Variants in LTBP1 observed in about 807,000 individuals in gnomAD.
The protein encoded by LTBP1 is latent transforming growth factor beta binding protein 1, also known as latent-transforming growth factor beta-binding protein 1.
A neutral mutation model predicts 207.6 loss-of-function variants in LTBP1; 129 were observed. That is an observed-to-expected ratio of 0.62 (90% CI 0.54 to 0.72). The LOEUF is 0.72. LTBP1 is among the 30% of genes least tolerant of loss of function. LTBP1 has a pLI of 0.00. For missense variants in LTBP1, 2,281 were observed against 2,217.2 expected (o/e 1.03, Z -0.58); for synonymous variants, 963 against 833.7 (o/e 1.16, Z -2.67).
chr2:33,252,589 A>C (rs997144757), intron 10 of LTBP1, 88 bp from the exon 11 acceptor site: 2 of 1,242,776 alleles, frequency 1.6e-6, no homozygotes, highest in Non-Finnish European at 2.2e-6. Context: ...TTTTTAATTC[A>C]TACCTTAGGG....
chr2:33,024,728 G>A (rs1000191856), intron 3 of LTBP1, among the ~76,000 whole-genome samples: 1 of 152,196 alleles, frequency 6.6e-6, no homozygotes, highest in Non-Finnish European at 1.5e-5. Context: ...TACAACTGGA[G>A]GAGAAGGGTG....
intron 5 of LTBP1, among the ~76,000 whole-genome samples, chr2:33,151,566 G>A (rs976019761): frequency 5.9e-5 from 9 of 152,074 alleles, no homozygotes; most frequent in African/African-American, 1.7e-4. Context: ...CCCATCACCC[G>A]AGCAGCATAT....
intron 3 of LTBP1, among the ~76,000 whole-genome samples, chr2:33,088,491 CAG>C (rs1210548247): frequency 6.6e-6 from 1 of 152,076 alleles, no homozygotes; most frequent in African/African-American, 2.4e-5. Flanking sequence ...TTCTTGGAGA[CAG>C]AGTCTTGAAG....
chr2:33,355,541 C>T (rs900550349), intron 26 of LTBP1, among the ~76,000 whole-genome samples: 1 of 151,862 alleles, frequency 6.6e-6, no homozygotes, highest in African/African-American at 2.4e-5. Flanking sequence ...TATTTTTGAT[C>T]TGCAATTGAT....
chr2:32,999,113 C>T (rs943714116), intron 2 of LTBP1, among the ~76,000 whole-genome samples: 1 of 152,142 alleles, frequency 6.6e-6, no homozygotes, highest in Non-Finnish European at 1.5e-5. Flanking sequence ...AGTTTGAGAA[C>T]CACTAGATCC....
intron 3 of LTBP1, among the ~76,000 whole-genome samples, chr2:33,088,676 A>G (rs902912103): frequency 6.6e-6 from 1 of 152,136 alleles, no homozygotes; most frequent in African/African-American, 2.4e-5. Context: ...CTTAATATAT[A>G]TTTGTTGAGT....
At chr2:33,283,840 C>T (rs1416559929) in intron 19 of LTBP1, among the ~76,000 whole-genome samples, 2 of 152,140 alleles carry the variant, frequency 1.3e-5, no homozygotes, top group South Asian at 2.1e-4. Context: ...ACAGGGCTGC[C>T]GTGTTCCATA....
intron 13 of LTBP1, among the ~76,000 whole-genome samples, chr2:33,259,840 C>G (rs1047573886): frequency 1.3e-5 from 2 of 152,098 alleles, no homozygotes; most frequent in African/African-American, 4.8e-5. Context: ...GGACAAAAAT[C>G]TCTACTTTCA....
At chr2:33,219,896 T>C (rs1200497991) in intron 8 of LTBP1, among the ~76,000 whole-genome samples, 1 of 152,176 alleles carries the variant, frequency 6.6e-6, no homozygotes, top group Non-Finnish European at 1.5e-5. Context: ...TCTTGACCTT[T>C]TGTCGTTTTT....
At chr2:33,313,931 T>C (rs891604653) in intron 23 of LTBP1, among the ~76,000 whole-genome samples, 1 of 152,198 alleles carries the variant, frequency 6.6e-6, no homozygotes, top group Non-Finnish European at 1.5e-5. Flanking sequence ...TGAAACTTTC[T>C]CTAGGCGCTT....
At position 32,993,681 on chromosome 2, in the gene LTBP1, G is replaced by C. The variant is rs539053225; in HGVS notation, c.566-27228G>C. 4.6e-5 allele frequency among the ~76,000 whole-genome samples: 7 copies of C among 152,286 alleles called. No individual in the cohort carries two copies. In the Middle Eastern group the frequency reaches 0.01, roughly 222 times the overall value. Reference sequence around the variant, plus strand: ...GGCCGTGTGGGGAAAACAGGACTCCGTCTTTGGTGAGTGGCTCTTCCTGGT... The same window carrying C: ...GGCCGTGTGGGGAAAACAGGACTCCCTCTTTGGTGAGTGGCTCTTCCTGGT... On this transcript the variant is annotated intron_variant, in intron 2 of 33. Transcript: ENST00000404816.
intron 2 of LTBP1, among the ~76,000 whole-genome samples, chr2:33,011,711 G>A (rs1687693910): frequency 6.6e-6 from 1 of 151,966 alleles, no homozygotes; most frequent in South Asian, 2.1e-4. Flanking sequence ...GGGCATTAGT[G>A]TTTTGTTCCT....
At chr2:32,990,767 G>T (rs1283151282) in intron 2 of LTBP1, among the ~76,000 whole-genome samples, 1 of 152,058 alleles carries the variant, frequency 6.6e-6, no homozygotes, top group African/African-American at 2.4e-5. Context: ...GACTCAGTTC[G>T]GTATTATGAG....
At chr2:33,067,222 A>G (rs895402380) in intron 3 of LTBP1, among the ~76,000 whole-genome samples, 29 of 152,232 alleles carry the variant, frequency 1.9e-4, no homozygotes, top group African/African-American at 6.8e-4. Flanking sequence ...TTTAGCTACT[A>G]TTGAAGACTG....
rs972873765 is a variant in LTBP1, at chr2:33,293,099, C to T, written c.3113-61C>T. ...TGTTTCCATTTCTAACCAAATTTAA[C>T]TTTATCCATGTTTTCTTTTTCTTCT... On this transcript the variant is annotated intron_variant, in intron 19 of 33. Coordinates refer to ENST00000404816, the MANE Select transcript of LTBP1 (RefSeq NM_206943.4). 3.9e-6 allele frequency: 6 copies of T among 1,550,656 alleles called. No individual in the cohort carries two copies. In the African/African-American group the frequency reaches 6.9e-5, roughly 18 times the overall value.
At position 33,060,149 on chromosome 2, in the gene LTBP1, T is replaced by A. The variant is rs1427716668; in HGVS notation, c.863+38943T>A. 1.5e-4 allele frequency among the ~76,000 whole-genome samples: 23 copies of A among 151,096 alleles called. No homozygotes were observed. The Admixed American group carries it at 1.5e-3, about 10-fold the overall frequency. On this transcript the variant is annotated intron_variant, in intron 3 of 33. Coordinates refer to ENST00000404816, the MANE Select transcript of LTBP1 (RefSeq NM_206943.4). The stretch of plus-strand genomic sequence containing the variant: ...ACTCCCACATATTTTACCCTTCTAC[T>A]GTTCAAGTGCTAAAACCAGGGATTA...
At chr2:33,299,156 C>A (rs997669780) in intron 20 of LTBP1, among the ~76,000 whole-genome samples, 7 of 151,404 alleles carry the variant, frequency 4.6e-5, no homozygotes, top group African/African-American at 1.5e-4. Flanking sequence ...GCAGGAGAAT[C>A]GCTTGAACCC....
At chr2:33,198,577 C>A (rs1264033739) in intron 7 of LTBP1, among the ~76,000 whole-genome samples, 1 of 152,118 alleles carries the variant, frequency 6.6e-6, no homozygotes, top group East Asian at 1.9e-4. Flanking sequence ...CATTTCAGAT[C>A]CTGTTATTGG....
intron 3 of LTBP1, among the ~76,000 whole-genome samples, chr2:33,096,007 A>C (rs375785978): frequency 6.6e-6 from 1 of 152,134 alleles, no homozygotes; most frequent in Non-Finnish European, 1.5e-5. Flanking sequence ...GGTGAAAAAC[A>C]TAAATTTAGA....
Sources: gnomAD v4.1 joint callset for allele counts (sites outside exome capture counted in the v4.1 genomes callset) on GRCh38, gnomAD v4.1.1 for gene constraint, MANE v1.5 for transcripts, NCBI Gene and HGNC (gene_info 2026-07-23, HGNC 2026-07-21) for gene names.